The following TEX9 variants were observed in gnomAD, a reference collection of about 807,000 sequenced individuals.
TEX9 encodes the protein testis-expressed protein 9.
A neutral mutation model predicts 59.6 loss-of-function variants in TEX9; 74 were observed. That is an observed-to-expected ratio of 1.24 (90% CI 1.03 to 1.51). The LOEUF is 1.51. Ranked by LOEUF, TEX9 falls within the 40% of genes most tolerant of loss-of-function variation. TEX9 has a pLI of 0.00. For synonymous variants in TEX9, 186 were observed against 152.2 expected, an observed-to-expected ratio of 1.22 and a Z score of -1.64; for missense variants, 522 against 447.8, an observed-to-expected ratio of 1.17 and a Z score of -1.49.
At chr15:56,364,279 C>T (rs957568619), upstream of TEX9, among the ~76,000 whole-genome samples, 3 of 151,630 alleles carry the variant, frequency 2.0e-5, no homozygotes, top group Admixed American at 6.6e-5. Context: ...TCAGCCTCCC[C>T]AGTAGCTGGG....
chr15:56,426,589 G>GTGTATA lies in TEX9; in HGVS notation c.964-1015_964-1014insGTATAT, dbSNP rs1382910271. On this transcript the variant is annotated intron_variant, in intron 10 of 12. Transcript: ENST00000352903. ...TTTTTTTTTTTTTTTTTGAAAAGGT[G>GTGTATA]TATATATATATATATATATATATAT... 4.9e-4 allele frequency among the ~76,000 whole-genome samples: 12 copies of GTGTATA among 24,306 alleles called. 2 individuals carry two copies. Among genetic ancestry groups the GTGTATA allele is most frequent in the Admixed American group, 1.1e-3 (1 of 892 alleles). 15.9% of individuals were successfully genotyped at this position (24,306 alleles called of 152,430 possible).
intron 1 of TEX9, among the ~76,000 whole-genome samples, chr15:56,306,888 T>C (rs1171075352): frequency 6.6e-6 from 1 of 152,166 alleles, no homozygotes; most frequent in East Asian, 1.9e-4. Context: ...TATGTACCCA[T>C]GAAACATTGA....
chr15:56,416,936 A>G (rs1170641461), intron 10 of TEX9, among the ~76,000 whole-genome samples: 2 of 151,590 alleles, frequency 1.3e-5, no homozygotes, highest in Non-Finnish European at 2.9e-5. Flanking sequence ...CAGTCCTGGG[A>G]GGGTGTACAT....
At chr15:56,296,237 C>CT (rs1455335486) in intron 1 of TEX9, among the ~76,000 whole-genome samples, 2 of 152,192 alleles carry the variant, frequency 1.3e-5, no homozygotes, top group Non-Finnish European at 2.9e-5. Flanking sequence ...CCTTGTAAAA[C>CT]TACCTGTATT....
At position 56,386,540 on chromosome 15, in the gene TEX9, T is replaced by C. The variant is rs1460926724; in HGVS notation, c.264-1932T>C. Among the ~76,000 whole-genome samples the C allele has an allele frequency of 2.6e-5, 4 of 152,004 alleles. No individual in the cohort carries two copies. In the South Asian group the frequency reaches 8.3e-4, roughly 31 times the overall value. The stretch of plus-strand genomic sequence containing the variant: ...TGATCTTGCTTCCAAGAAGTTAATA[T>C]GTGTTGCTTTTGAGTATTTTTTAAG... On this transcript the variant is annotated intron_variant, in intron 4 of 12. Coordinates refer to ENST00000352903, the Ensembl canonical transcript of TEX9.
chr15:56,304,616 T>G (rs1475305654), intron 1 of TEX9, among the ~76,000 whole-genome samples: 1 of 152,230 alleles, frequency 6.6e-6, no homozygotes, highest in African/African-American at 2.4e-5. Flanking sequence ...ATGGTCATAG[T>G]CATGATGAAT....
chr15:56,378,711 T>C (rs1159252560), intron 3 of TEX9, among the ~76,000 whole-genome samples: 1 of 152,152 alleles, frequency 6.6e-6, no homozygotes, highest in African/African-American at 2.4e-5. Flanking sequence ...TTTGCTCTGA[T>C]CTTCATTTCT....
intron 1 of TEX9, among the ~76,000 whole-genome samples, chr15:56,253,140 G>C (rs2044067423): frequency 6.6e-6 from 1 of 152,042 alleles, no homozygotes; most frequent in African/African-American, 2.4e-5. Flanking sequence ...ATCACTAAAA[G>C]CCACACGGCA....
rs528555641 is a variant in TEX9, at chr15:56,305,266, T to TA, written c.-107+60998dup. On this transcript the variant is annotated intron_variant, in intron 1 of 5. Transcript: ENST00000560827. ...ACACCACTGACATTCTTCACATAAA[T>TA]AAAAAAAAAATCCTACAATTTATAT... 3.0e-4 allele frequency among the ~76,000 whole-genome samples: 45 copies of TA among 148,610 alleles called. 1 individual carries two copies. Among genetic ancestry groups the TA allele is most frequent in the East Asian group, 5.9e-4 (3 of 5,096 alleles).
the TEX9 span, among the ~76,000 whole-genome samples, chr15:56,460,001 A>T: frequency 7.4e-4 from 25 of 33,890 alleles, no homozygotes; most frequent in Non-Finnish European, 2.9e-4. Context: ...AAAAAAAAAA[A>T]AAAAAAAAAT....
chr15:56,363,360 C>A (rs1457837142), upstream of TEX9, among the ~76,000 whole-genome samples: 1 of 151,406 alleles, frequency 6.6e-6, no homozygotes, highest in Non-Finnish European at 1.5e-5. Context: ...TATCTCCCAG[C>A]ATTTCACCAT....
intron 12 of TEX9, chr15:56,443,793 T>C (rs1219758185): frequency 1.2e-6 from 2 of 1,612,842 alleles, no homozygotes; most frequent in South Asian, 2.2e-5. Flanking sequence ...GCCTGCTCTT[T>C]CTGAAACTCT....
At chr15:56,446,458 T>A (rs1369949798), downstream of TEX9, among the ~76,000 whole-genome samples, 1 of 152,000 alleles carries the variant, frequency 6.6e-6, no homozygotes, top group Non-Finnish European at 1.5e-5. Context: ...ACTGGAAAGT[T>A]TCCTACATAA....
intron 1 of TEX9, among the ~76,000 whole-genome samples, chr15:56,345,759 A>C (rs1285308383): frequency 6.6e-6 from 1 of 152,214 alleles, no homozygotes; most frequent in African/African-American, 2.4e-5. Context: ...GATAGTTGTC[A>C]TGAAAGGCCC....
the TEX9 span, among the ~76,000 whole-genome samples, chr15:56,460,004 A>AT: frequency 1.1e-3 from 62 of 57,318 alleles, 1 homozygote; most frequent in African/African-American, 3.7e-3. Flanking sequence ...AAAAAAAAAA[A>AT]AAAAAATACA....
At chr15:56,400,463 C>A (rs1230355760) in intron 9 of TEX9, among the ~76,000 whole-genome samples, 2 of 152,112 alleles carry the variant, frequency 1.3e-5, no homozygotes, top group African/African-American at 4.8e-5. Flanking sequence ...TCAACAGAGC[C>A]TTCAAGAAAA....
the TEX9 span, among the ~76,000 whole-genome samples, chr15:56,460,009 A>AAAAAATAT: frequency 6.4e-4 from 17 of 26,386 alleles, 2 homozygotes; most frequent in East Asian, 2.3e-3. Flanking sequence ...AAAAAAAAAA[A>AAAAAATAT]ATACATATAT....
chr15:56,279,507 GT>G (rs753294847), intron 1 of TEX9, among the ~76,000 whole-genome samples: 53 of 152,194 alleles, frequency 3.5e-4, no homozygotes, highest in Non-Finnish European at 5.4e-4. Context: ...GCTAAAATGA[GT>G]TTGCTAATAG....
intron 1 of TEX9, among the ~76,000 whole-genome samples, chr15:56,358,499 TAGAG>T (rs1352245245): frequency 6.6e-6 from 1 of 152,148 alleles, no homozygotes; most frequent in Non-Finnish European, 1.5e-5. Context: ...GAGAATATCG[TAGAG>T]AGAGTTCCCA....
Sources: gnomAD v4.1 joint callset for allele counts (sites outside exome capture counted in the v4.1 genomes callset) on GRCh38, gnomAD v4.1.1 for gene constraint, MANE v1.5 for transcripts, NCBI Gene and HGNC (gene_info 2026-07-23, HGNC 2026-07-21) for gene names.